Variants in SANBR observed in about 807,000 individuals in gnomAD.
SANBR encodes SANT and BTB domain regulator of class switch recombination.
In SANBR, 77 loss-of-function variants were observed where a neutral mutation model predicts 101.8. The ratio of observed to expected loss-of-function variants is 0.76; its 90% CI spans 0.63 to 0.91. The LOEUF (loss-of-function observed/expected upper bound fraction) is 0.91, where lower values mean the gene tolerates loss of function less well. SANBR is among the 40% of genes least tolerant of loss of function. SANBR has a pLI of 0.00. For missense variants in SANBR, 875 were observed against 853.0 expected (o/e 1.03, Z -0.32); for synonymous variants, 279 against 274.7 (o/e 1.02, Z -0.15).
chr2:61,106,714 T>A, intron 14 of SANBR, 52 bp downstream of exon 14: 1 of 1,109,572 alleles, frequency 9.0e-7, no homozygotes, highest in Non-Finnish European at 1.3e-6. Flanking sequence ...ATTAATGACA[T>A]TTAATCTTTG....
Position 61,122,666 on chromosome 2 carries a change from G to A in SANBR, c.*504G>A, listed in dbSNP as rs1040179020. 4.1e-6 allele frequency: 4 copies of A among 986,084 alleles called. No homozygotes were observed. Among genetic ancestry groups the A allele is most frequent in the Non-Finnish European group, 3.6e-6 (3 of 830,454 alleles). The allele number at this position is 986,084 out of a possible 1,614,324, so 61.1% of individuals were successfully genotyped here. On this transcript the variant is annotated 3_prime_UTR_variant, in exon 22 of 22. Transcript: ENST00000402291. ...TCTGCATGAATATTAAGGAGTGACA[G>A]GTCTCAAGACTGCATTAAATGAAGT...
chr2:61,088,257 T>TG lies in SANBR; in HGVS notation c.977+13dup. ...GCAACATTGTATAGGTATGCTAACA[T>TG]GTTTTTTTCTTTGGTGTACTTTATA... is the stretch of plus-strand genomic sequence containing the variant. On this transcript the variant is annotated intron_variant, in intron 9 of 21. Coordinates refer to ENST00000402291, the MANE Select transcript of SANBR (RefSeq NM_001129993.3). The TG allele has an allele frequency of 6.3e-7, 1 of 1,593,556 alleles. No individual in the cohort carries two copies. The highest frequency in any genetic ancestry group is 2.2e-5 in the East Asian group (1 of 44,522).
At chr2:61,136,438 G>A (rs1684851255) in intron 21 of SANBR, among the ~76,000 whole-genome samples, 1 of 150,984 alleles carries the variant, frequency 6.6e-6, no homozygotes, top group Non-Finnish European at 1.5e-5. Flanking sequence ...TTCAAGACCA[G>A]CCTAACATGG....
chr2:61,108,932 G>A (rs1378579616), intron 15 of SANBR, among the ~76,000 whole-genome samples: 2 of 152,062 alleles, frequency 1.3e-5, no homozygotes, highest in East Asian at 3.9e-4. Flanking sequence ...GAGTGATAGA[G>A]GTACAATTCA....
intron 20 of SANBR, among the ~76,000 whole-genome samples, chr2:61,130,142 T>C (rs879391948): frequency 3.9e-5 from 6 of 152,114 alleles, no homozygotes; most frequent in Non-Finnish European, 8.8e-5. Flanking sequence ...TTTTACTTTC[T>C]TTTGCATTAA....
chr2:61,089,873 G>T (rs1235664246), intron 10 of SANBR, among the ~76,000 whole-genome samples: 1 of 151,932 alleles, frequency 6.6e-6, no homozygotes, highest in Non-Finnish European at 1.5e-5. Flanking sequence ...GCTCACTGCA[G>T]CCTTGAACTC....
intron 21 of SANBR, among the ~76,000 whole-genome samples, chr2:61,136,276 C>T (rs1684843201): frequency 6.6e-6 from 1 of 150,868 alleles, no homozygotes; most frequent in Non-Finnish European, 1.5e-5. Context: ...TGTACTCCAG[C>T]CTGGGCAACA....
rs775289343 is a variant in SANBR at position 61,070,518 on chromosome 2, C to T, written c.150+18C>T. On this transcript the variant is annotated intron_variant, in intron 3 of 21. Transcript: ENST00000402291. Reference sequence around the variant, plus strand: ...CAAAAGAGGTAAATAACAGTCCCCCCAGAATATCTCCTGAAAATGTTCAGA... The same window carrying T: ...CAAAAGAGGTAAATAACAGTCCCCCTAGAATATCTCCTGAAAATGTTCAGA... 1 of 1,593,202 alleles carries T rather than the reference C, an allele frequency of 6.3e-7. No individual in the cohort carries two copies. Among genetic ancestry groups the T allele is most frequent in the African/African-American group, 1.4e-5 (1 of 73,748 alleles).
chr2:61,130,366 A>C (rs1684649639), intron 20 of SANBR, among the ~76,000 whole-genome samples: 1 of 152,194 alleles, frequency 6.6e-6, no homozygotes, highest in Non-Finnish European at 1.5e-5. Flanking sequence ...GAAAGAGAAA[A>C]TATGAATAGT....
intron 16 of SANBR, among the ~76,000 whole-genome samples, chr2:61,112,598 A>G (rs1441206507): frequency 6.6e-6 from 1 of 151,526 alleles, no homozygotes. Flanking sequence ...GGTTCCAGCG[A>G]TTCTTCTGCC....
intron 8 of SANBR, among the ~76,000 whole-genome samples, chr2:61,084,052 C>T (rs2441465): frequency 0.51 from 77,057 of 151,806 alleles, 19,834 homozygotes; most frequent in Middle Eastern, 0.66. Flanking sequence ...CCTTCAGGCT[C>T]AAGCGATCCT....
intron 4 of SANBR, among the ~76,000 whole-genome samples, chr2:61,072,821 CTTTTTTTTTTTTTTTT>C (rs70959893): frequency 3.2e-5 from 1 of 31,662 alleles, no homozygotes; most frequent in Non-Finnish European, 5.5e-5. Context: ...TCTCATGTTA[CTTTTTTTTTTTTTTTT>C]TTTTTTTTTT....
chr2:61,121,303 T>C, intron 21 of SANBR, 27 bp downstream of exon 21: 1 of 1,497,274 alleles, frequency 6.7e-7, no homozygotes, highest in Non-Finnish European at 9.1e-7. Context: ...TAAACCAGAG[T>C]GTCAGTGGCT....
intron 3 of SANBR, among the ~76,000 whole-genome samples, chr2:61,070,939 C>A (rs890131267): frequency 6.6e-6 from 1 of 151,344 alleles, no homozygotes; most frequent in Non-Finnish European, 1.5e-5. Context: ...CCAGGCTGGT[C>A]TTGAACTCCT....
chr2:61,134,102 T>G (rs1559160731), intron 20 of SANBR: 1 of 1,610,620 alleles, frequency 6.2e-7, no homozygotes, highest in South Asian at 1.1e-5. Context: ...ATATCCATCA[T>G]GCATAGGGTA....
At chr2:61,101,949 T>C (rs1243328598) in intron 12 of SANBR, among the ~76,000 whole-genome samples, 1 of 149,984 alleles carries the variant, frequency 6.7e-6, no homozygotes, top group African/African-American at 2.5e-5. Context: ...GGAGAATCGC[T>C]TGAATCCAGG....
At position 61,083,221 on chromosome 2, in the gene SANBR, A is replaced by G. The variant is rs780150962; in HGVS notation, c.797A>G (p.Asn266Ser). Residue 266 changes from asparagine to serine, a missense_variant, in exon 8 of 22, where the codon AAC (asparagine) becomes AGC (serine). By Grantham distance (46) the Asn-to-Ser change is conservative. Coordinates refer to ENST00000402291, the MANE Select transcript of SANBR (RefSeq NM_001129993.3). ...NAIVATPCNMNCINANLLTRI... is the reference protein window; with the variant it reads ...NAIVATPCNMSCINANLLTRI... Reference sequence around the variant, plus strand: ...ATAGTAGCTACCCCATGCAACATGAACTGTATTAATGCAAATCTTCTCACA... The same window carrying G: ...ATAGTAGCTACCCCATGCAACATGAGCTGTATTAATGCAAATCTTCTCACA... 1.2e-6 allele frequency: 2 copies of G among 1,611,098 alleles called. No homozygotes were observed. The highest frequency in any genetic ancestry group is 2.7e-5 in the African/African-American group (2 of 74,840).
At chr2:61,088,117 G>T (rs1314497872) in intron 8 of SANBR, 42 bp from the exon 9 acceptor site, 3 of 1,059,656 alleles carry the variant, frequency 2.8e-6, no homozygotes, top group Non-Finnish European at 1.4e-6. Flanking sequence ...TCACTATAAA[G>T]TAGTGTAGAA....
intron 5 of SANBR, among the ~76,000 whole-genome samples, chr2:61,076,126 TG>T (rs1405169062): frequency 6.6e-6 from 1 of 151,116 alleles, no homozygotes; most frequent in Non-Finnish European, 1.5e-5. Flanking sequence ...CCTAGGTAGC[TG>T]GGACTGCAGG....
Sources: gnomAD v4.1 joint callset for allele counts (sites outside exome capture counted in the v4.1 genomes callset) on GRCh38, gnomAD v4.1.1 for gene constraint, MANE v1.5 for transcripts, NCBI Gene and HGNC (gene_info 2026-07-23, HGNC 2026-07-21) for gene names.